Variants in PTPRD observed in about 807,000 individuals in gnomAD.
The protein encoded by PTPRD is protein tyrosine phosphatase receptor type D.
In PTPRD, 34 loss-of-function variants were observed where a neutral mutation model predicts 214.5. The observed-to-expected ratio is 0.16, with a 90% CI of 0.12 to 0.21. PTPRD has a LOEUF of 0.21. Ranked by LOEUF, PTPRD falls within the 10% of genes least tolerant of loss-of-function variation. The pLI, the probability that PTPRD is intolerant of heterozygous loss-of-function variation, is 1.00. For missense variants in PTPRD, 2,545 were observed against 2,398.7 expected, an observed-to-expected ratio of 1.06 and a Z score of -1.27; for synonymous variants, 1,128 against 845.7, an observed-to-expected ratio of 1.33 and a Z score of -5.79.
intron 8 of PTPRD, among the ~76,000 whole-genome samples, chr9:9,553,018 C>A (rs2080691058): frequency 6.6e-6 from 1 of 151,964 alleles, no homozygotes; most frequent in African/African-American, 2.4e-5. Flanking sequence ...ACACTGGGAC[C>A]ATATTTACAT....
intron 7 of PTPRD, among the ~76,000 whole-genome samples, chr9:9,682,528 G>T (rs1441324911): frequency 6.6e-6 from 1 of 151,600 alleles, no homozygotes; most frequent in African/African-American, 2.4e-5. Context: ...TGATAGGGTA[G>T]ATCAATGCAA....
intron 10 of PTPRD, among the ~76,000 whole-genome samples, chr9:9,037,092 A>T (rs546441582): frequency 6.6e-6 from 1 of 152,294 alleles, no homozygotes; most frequent in East Asian, 1.9e-4. Context: ...ACCCGTTAAT[A>T]ACAGGAAGTA....
At chr9:9,490,936 G>A (rs182114080) in intron 8 of PTPRD, among the ~76,000 whole-genome samples, 216 of 149,366 alleles carry the variant, frequency 1.4e-3, no homozygotes, top group Non-Finnish European at 2.8e-3. Flanking sequence ...GAATATAAAT[G>A]TACTGTCTAA....
At chr9:9,201,185 C>T (rs964070331) in intron 9 of PTPRD, among the ~76,000 whole-genome samples, 14 of 151,990 alleles carry the variant, frequency 9.2e-5, no homozygotes, top group African/African-American at 3.4e-4. Flanking sequence ...TGGAAACTGC[C>T]ATATACATGT....
At chr9:8,350,264 A>C (rs556376797) in intron 39 of PTPRD, among the ~76,000 whole-genome samples, 1 of 152,262 alleles carries the variant, frequency 6.6e-6, no homozygotes, top group African/African-American at 2.4e-5. Context: ...GTGGAGTTTT[A>C]ATGCTGACCC....
chr9:9,537,610 G>T (rs997016629), intron 8 of PTPRD, among the ~76,000 whole-genome samples: 1 of 151,896 alleles, frequency 6.6e-6, no homozygotes, highest in Non-Finnish European at 1.5e-5. Flanking sequence ...TTAGACTAAG[G>T]CATAGTTCAA....
chr9:9,072,740 A>T (rs1452920317), intron 10 of PTPRD, among the ~76,000 whole-genome samples: 1 of 152,156 alleles, frequency 6.6e-6, no homozygotes, highest in African/African-American at 2.4e-5. Context: ...GGACTTGACG[A>T]AAGTGAAGTG....
chr9:10,182,164 G>A (rs2099297341), intron 3 of PTPRD, among the ~76,000 whole-genome samples: 1 of 147,768 alleles, frequency 6.8e-6, no homozygotes. Context: ...GGAGGCTGAG[G>A]CAGGAGAATC....
chr9:9,523,273 C>G (rs886752699), intron 8 of PTPRD, among the ~76,000 whole-genome samples: 1 of 152,044 alleles, frequency 6.6e-6, no homozygotes, highest in Non-Finnish European at 1.5e-5. Flanking sequence ...TTTACTATCC[C>G]TTGACTGATA....
intron 3 of PTPRD, among the ~76,000 whole-genome samples, chr9:10,301,983 G>T (rs550085504): frequency 6.6e-6 from 1 of 152,248 alleles, no homozygotes; most frequent in East Asian, 1.9e-4. Context: ...ATTCACCAAG[G>T]TTGAAATGAA....
At chr9:9,917,537 C>A (rs1051832896) in intron 5 of PTPRD, among the ~76,000 whole-genome samples, 1 of 149,816 alleles carries the variant, frequency 6.7e-6, no homozygotes, top group Non-Finnish European at 1.5e-5. Flanking sequence ...CAATTCTTTT[C>A]AAGCTATTCC....
chr9:8,662,387 T>C (rs140684392), intron 12 of PTPRD, among the ~76,000 whole-genome samples: 12 of 152,206 alleles, frequency 7.9e-5, no homozygotes, highest in Non-Finnish European at 1.2e-4. Context: ...AGAACACCAA[T>C]CTTGGGATCA....
chr9:8,746,325 G>A lies in PTPRD; in HGVS notation c.-103-12379C>T, dbSNP rs570067289. Among the ~76,000 whole-genome samples the A allele has an allele frequency of 3.9e-4, 60 of 152,204 alleles. No homozygotes were observed. The South Asian group carries it at 0.012, about 30-fold the overall frequency. On this transcript the variant is annotated intron_variant, in intron 11 of 45. Coordinates refer to ENST00000381196, the MANE Select transcript of PTPRD (RefSeq NM_002839.4). The stretch of plus-strand genomic sequence containing the variant: ...TGGTTATTTTTCAAAAGAAGTTGGC[G>A]TTACAAAGTGATTTGATAATAAAGT...
chr9:9,087,875 A>ACC (rs2099769454), intron 10 of PTPRD, among the ~76,000 whole-genome samples: 2 of 104,310 alleles, frequency 1.9e-5, no homozygotes, highest in Admixed American at 1.1e-4. Flanking sequence ...AGAGCCCTAA[A>ACC]CTCTTTTTTT....
chr9:8,493,269 G>C (rs1034404347), intron 26 of PTPRD, among the ~76,000 whole-genome samples: 1 of 152,154 alleles, frequency 6.6e-6, no homozygotes, highest in Non-Finnish European at 1.5e-5. Flanking sequence ...GTCCTTACTA[G>C]CTTGGACAGA....
At chr9:9,945,354 G>C (rs1211816805) in intron 4 of PTPRD, among the ~76,000 whole-genome samples, 1 of 152,102 alleles carries the variant, frequency 6.6e-6, no homozygotes, top group Non-Finnish European at 1.5e-5. Context: ...GTCACCAAAG[G>C]GTGATGAAAG....
intron 2 of PTPRD, among the ~76,000 whole-genome samples, chr9:10,438,008 C>CATATATATTATATATATATATAT (rs1555347109): frequency 6.4e-5 from 8 of 125,140 alleles, no homozygotes; most frequent in African/African-American, 2.7e-4. Flanking sequence ...CCTAAGTCTA[C>CATATATATTATATATATATATAT]ATATATATAT....
intron 9 of PTPRD, among the ~76,000 whole-genome samples, chr9:9,230,638 G>A (rs2099962512): frequency 6.6e-6 from 1 of 152,096 alleles, no homozygotes; most frequent in Non-Finnish European, 1.5e-5. Context: ...TGGATTGAAT[G>A]CTAGGACACC....
At chr9:8,956,856 C>A (rs938891930) in intron 11 of PTPRD, among the ~76,000 whole-genome samples, 2 of 151,806 alleles carry the variant, frequency 1.3e-5, no homozygotes, top group African/African-American at 4.8e-5. Context: ...TATAAACTAC[C>A]AATCACCCAG....
Sources: gnomAD v4.1 joint callset for allele counts (sites outside exome capture counted in the v4.1 genomes callset) on GRCh38, gnomAD v4.1.1 for gene constraint, MANE v1.5 for transcripts, NCBI Gene and HGNC (gene_info 2026-07-23, HGNC 2026-07-21) for gene names.